Variants in SHANK2 observed in about 807,000 individuals in gnomAD.
SHANK2 encodes the protein SH3 and multiple ankyrin repeat domains protein 2.
SHANK2 carries 43 observed loss-of-function variants against 133.7 expected under a neutral mutation model. The observed-to-expected ratio is 0.32, with a 90% CI of 0.25 to 0.41. SHANK2 has a LOEUF of 0.41. Ranked by LOEUF, SHANK2 falls within the 10% of genes least tolerant of loss-of-function variation. The pLI, the probability that SHANK2 is intolerant of heterozygous loss-of-function variation, is 1.00. For synonymous variants in SHANK2, 1,017 were observed against 952.8 expected, an observed-to-expected ratio of 1.07 and a Z score of -1.24; for missense variants, 1,994 against 2,235.8, an observed-to-expected ratio of 0.89 and a Z score of 2.18.
chr11:70,909,186 A>G (rs1421753364), intron 10 of SHANK2, among the ~76,000 whole-genome samples: 1 of 152,236 alleles, frequency 6.6e-6, no homozygotes, highest in African/African-American at 2.4e-5. Flanking sequence ...GCTCCCAGAA[A>G]TCTTGATAGA....
At chr11:70,724,582 A>C (rs1946140363) in intron 14 of SHANK2, among the ~76,000 whole-genome samples, 1 of 152,174 alleles carries the variant, frequency 6.6e-6, no homozygotes, top group Admixed American at 6.5e-5. Context: ...ATCCTTTTGG[A>C]AATATCAGAC....
chr11:71,065,476 T>A (rs1475753794), intron 9 of SHANK2, among the ~76,000 whole-genome samples: 4 of 125,696 alleles, frequency 3.2e-5, no homozygotes, highest in Non-Finnish European at 6.5e-5. Flanking sequence ...TGTGCAGAAC[T>A]CTTCCAGGGA....
intron 2 of SHANK2, among the ~76,000 whole-genome samples, chr11:71,180,129 A>G (rs1565498548): frequency 6.6e-6 from 1 of 152,226 alleles, no homozygotes; most frequent in Non-Finnish European, 1.5e-5. Context: ...GACAAATGTC[A>G]TTATCTTCAC....
At chr11:71,182,952 G>A (rs373382406) in intron 2 of SHANK2, among the ~76,000 whole-genome samples, 4 of 152,134 alleles carry the variant, frequency 2.6e-5, no homozygotes, top group Non-Finnish European at 4.4e-5. Flanking sequence ...AAACCAGCAC[G>A]AAAACCCTGA....
rs1048030241 is a variant in SHANK2, at chr11:70,468,641, T to G, written c.*4228A>C. ...AGGAAAAGTGGTCTGGAAGAAACCA[T>G]TGGAAGCAAAGTCTAGGGGGGTGCC... On this transcript the variant is annotated 3_prime_UTR_variant, in exon 26 of 26. Coordinates refer to ENST00000601538, the MANE Select transcript of SHANK2 (RefSeq NM_012309.5). 3 of 152,128 alleles carry G rather than the reference T, an allele frequency of 2.0e-5. No homozygotes were observed. In the South Asian group the frequency reaches 6.2e-4, roughly 32 times the overall value. The allele number at this position is 152,128 out of a possible 1,614,324, so 9.4% of individuals were successfully genotyped here. A position where few individuals can be genotyped will look rare whatever the true frequency, so the allele number is the denominator to read the frequency against.
At chr11:71,226,138 A>C (rs567662065) in intron 1 of SHANK2, among the ~76,000 whole-genome samples, 1 of 152,354 alleles carries the variant, frequency 6.6e-6, no homozygotes, top group East Asian at 1.9e-4. Flanking sequence ...AAAGAAAAGA[A>C]AATGATAGAA....
Position 70,553,722 on chromosome 11 carries a change from A to G in SHANK2, c.2062-50791T>C, listed in dbSNP as rs184039597. Among the ~76,000 whole-genome samples, 617 of 152,334 alleles carry G rather than the reference A, an allele frequency of 4.1e-3. 6 individuals are homozygous for G. The highest frequency in any genetic ancestry group is 0.014 in the African/African-American group (595 of 41,578). ...GGGGAACATGCAGCAGAACAAGACA[A>G]TGTCAGAGGTTTGCTTCTGCCCTGC... On this transcript the variant is annotated intron_variant, in intron 17 of 25. Coordinates refer to ENST00000601538, the MANE Select transcript of SHANK2 (RefSeq NM_012309.5).
chr11:70,597,595 G>A (rs4980623), intron 17 of SHANK2, among the ~76,000 whole-genome samples: 29,518 of 152,098 alleles, frequency 0.19, 3,162 homozygotes, highest in East Asian at 0.39. Context: ...GTGATGGGCC[G>A]GGTGCAGTGG....
intron 11 of SHANK2, among the ~76,000 whole-genome samples, chr11:70,828,863 C>T (rs956472718): frequency 1.3e-5 from 2 of 152,240 alleles, no homozygotes; most frequent in African/African-American, 4.8e-5. Flanking sequence ...CTCAACACCC[C>T]CTCCATCTGT....
chr11:70,499,352 T>C (rs1195389693), intron 21 of SHANK2, among the ~76,000 whole-genome samples: 1 of 152,242 alleles, frequency 6.6e-6, no homozygotes, highest in African/African-American at 2.4e-5. Context: ...CCAGTTTCTC[T>C]TGCTCAGACG....
chr11:70,648,139 G>A (rs570751351), intron 17 of SHANK2, among the ~76,000 whole-genome samples: 20 of 152,336 alleles, frequency 1.3e-4, no homozygotes, highest in African/African-American at 4.3e-4. Context: ...GATGCTGAAA[G>A]AAGCCAGACA....
At chr11:70,817,535 G>A (rs1368647008) in intron 12 of SHANK2, among the ~76,000 whole-genome samples, 9 of 152,296 alleles carry the variant, frequency 5.9e-5, no homozygotes, top group Admixed American at 5.9e-4. Context: ...CACATCACAG[G>A]CAAACCTGAA....
intron 14 of SHANK2, among the ~76,000 whole-genome samples, chr11:70,730,818 TTTTA>T (rs1946272307): frequency 1.6e-5 from 2 of 125,052 alleles, no homozygotes; most frequent in African/African-American, 7.1e-5. Context: ...GACCTCTCTT[TTTTA>T]TTTCTTTTTT....
At chr11:70,632,641 G>C (rs1555002649) in intron 17 of SHANK2, among the ~76,000 whole-genome samples, 2 of 152,040 alleles carry the variant, frequency 1.3e-5, no homozygotes. Context: ...TTGTCTCCCA[G>C]GGATGTGGGC....
chr11:70,938,938 G>A (rs1555083868), intron 10 of SHANK2, among the ~76,000 whole-genome samples: 1 of 152,158 alleles, frequency 6.6e-6, no homozygotes, highest in African/African-American at 2.4e-5. Flanking sequence ...GAAAGGTGAG[G>A]AGAGGGTCTG....
rs1321604914 is a variant in SHANK2, at chr11:71,197,008, A to AC, written c.-13+27688_-13+27689insG. ...GTGAGACTCTGTCTCAAAAAAAAAAAAAAAAAAAAAACCCATCCCTGCTCT... is the reference window on the plus strand; with the variant it reads ...GTGAGACTCTGTCTCAAAAAAAAAAACAAAAAAAAAAACCCATCCCTGCTCT... On this transcript the variant is annotated intron_variant, in intron 2 of 25. Coordinates refer to ENST00000601538, the MANE Select transcript of SHANK2 (RefSeq NM_012309.5). 5.7e-3 allele frequency among the ~76,000 whole-genome samples: 855 copies of AC among 151,034 alleles called. 10 individuals carry two copies. The highest frequency in any genetic ancestry group is 0.02 in the African/African-American group (818 of 40,918).
intron 11 of SHANK2, among the ~76,000 whole-genome samples, chr11:70,862,265 G>A (rs1949271588): frequency 6.6e-6 from 1 of 152,198 alleles, no homozygotes; most frequent in Non-Finnish European, 1.5e-5. Context: ...TGTCTCAGGG[G>A]GAGGGTGTGT....
chr11:70,798,691 G>T, intron 13 of SHANK2, 135 bp from the exon 14 acceptor site: 1 of 634,662 alleles, frequency 1.6e-6, no homozygotes. Context: ...AGCGGCTCTG[G>T]TGTGACTGCA....
At chr11:70,556,738 T>C (rs979726947) in intron 17 of SHANK2, among the ~76,000 whole-genome samples, 1 of 152,028 alleles carries the variant, frequency 6.6e-6, no homozygotes, top group African/African-American at 2.4e-5. Flanking sequence ...ATTACAGGCA[T>C]GTGCTACCAC....
Sources: gnomAD v4.1 joint callset for allele counts (sites outside exome capture counted in the v4.1 genomes callset) on GRCh38, gnomAD v4.1.1 for gene constraint, MANE v1.5 for transcripts, NCBI Gene and HGNC (gene_info 2026-07-23, HGNC 2026-07-21) for gene names.